The following ADAMTSL3 variants were observed in gnomAD, a reference collection of about 807,000 sequenced individuals.
The protein encoded by ADAMTSL3 is ADAMTS-like protein 3.
A neutral mutation model predicts 201.7 loss-of-function variants in ADAMTSL3; 128 were observed. The observed-to-expected ratio is 0.63, with a 90% CI of 0.55 to 0.73. The LOEUF (loss-of-function observed/expected upper bound fraction) is 0.73. Among genes scored for constraint, ADAMTSL3 ranks in the 30% least tolerant of loss-of-function variants. The pLI is 0.00. For synonymous variants in ADAMTSL3, 738 were observed against 748.4 expected (o/e 0.99, Z 0.23); for missense variants, 1,990 against 2,119.6 (o/e 0.94, Z 1.20).
intron 6 of ADAMTSL3, among the ~76,000 whole-genome samples, chr15:83,827,583 A>G (rs1029732971): frequency 1.5e-4 from 23 of 152,222 alleles, no homozygotes; most frequent in Admixed American, 7.2e-4. Context: ...TGAAGTCCTT[A>G]CCCATGCCTA....
chr15:83,664,430 A>C (rs1176030545), intron 2 of ADAMTSL3, among the ~76,000 whole-genome samples: 1 of 152,114 alleles, frequency 6.6e-6, no homozygotes, highest in African/African-American at 2.4e-5. Context: ...AATGCTTCTC[A>C]AACCAAAGTC....
rs527286657 is a variant in ADAMTSL3, at chr15:83,716,464, G to T, written c.189+11956G>T. 2.2e-4 allele frequency among the ~76,000 whole-genome samples: 32 copies of T among 148,532 alleles called. No homozygotes were observed. In the Middle Eastern group the frequency reaches 0.014, roughly 64 times the overall value. ...GGGAGGCGGAGGTTTGCAGTGAGCC[G>T]AGAGCGTGCCATTGCATTCCAGCCT... is the stretch of plus-strand genomic sequence containing the variant. On this transcript the variant is annotated intron_variant, in intron 3 of 29. Coordinates refer to ENST00000286744, the MANE Select transcript of ADAMTSL3 (RefSeq NM_207517.3).
chr15:83,946,879 G>A (rs1046999992), intron 19 of ADAMTSL3, among the ~76,000 whole-genome samples: 1 of 152,168 alleles, frequency 6.6e-6, no homozygotes, highest in African/African-American at 2.4e-5. Flanking sequence ...AAGACACTCT[G>A]GCTTCCAGTC....
In ADAMTSL3 at chr15:83,946,866, A is replaced by G. The variant is rs576266519; in HGVS notation, c.2490+3784A>G. ...GCTCCAAGAGGTCAGCCCAAACTCA[A>G]ACAAGACACTCTGGCTTCCAGTCAT... is the stretch of plus-strand genomic sequence containing the variant. On this transcript the variant is annotated intron_variant, in intron 19 of 29. Coordinates refer to ENST00000286744, the MANE Select transcript of ADAMTSL3 (RefSeq NM_207517.3). Among the ~76,000 whole-genome samples the G allele has an allele frequency of 3.3e-5, 5 of 152,310 alleles. No individual in the cohort carries two copies. In the East Asian group the frequency reaches 5.8e-4, roughly 18 times the overall value.
At chr15:83,890,457 A>G (rs1005690595) in intron 11 of ADAMTSL3, among the ~76,000 whole-genome samples, 1 of 152,176 alleles carries the variant, frequency 6.6e-6, no homozygotes, top group Non-Finnish European at 1.5e-5. Flanking sequence ...GTCGTGGGCT[A>G]TGTGTTCCTA....
chr15:83,913,322 C>G lies in ADAMTSL3; in HGVS notation c.1931C>G (p.Thr644Arg). The change falls in exon 16 of 30, where the codon ACG becomes AGG. Residue 644 changes from threonine (T) to arginine (R), a missense_variant. By Grantham distance (71) the Thr-to-Arg change is moderately conservative. Coordinates refer to ENST00000286744, the MANE Select transcript of ADAMTSL3 (RefSeq NM_207517.3). Reference protein sequence around the residue: ...LDIPLPEDSETTYDWEYAGFT... With the variant: ...LDIPLPEDSERTYDWEYAGFT... Reference sequence around the variant, plus strand: ...ATCCCTCTCCCTGAGGACAGTGAGACGACTTACGACTGGGAGTACGCTGGG... The same window carrying G: ...ATCCCTCTCCCTGAGGACAGTGAGAGGACTTACGACTGGGAGTACGCTGGG... 1.9e-6 allele frequency: 3 copies of G among 1,613,784 alleles called. No individual in the cohort carries two copies. Among genetic ancestry groups the G allele is most frequent in the Non-Finnish European group, 1.7e-6 (2 of 1,180,006 alleles).
chr15:83,820,541 T>G (rs2063846511), intron 6 of ADAMTSL3, among the ~76,000 whole-genome samples: 1 of 152,216 alleles, frequency 6.6e-6, no homozygotes. Context: ...ACTGAAGCTG[T>G]GGGTCTGGGG....
Position 83,838,129 on chromosome 15 carries a change from A to T in ADAMTSL3, c.641A>T (p.Glu214Val). 1 of 1,613,248 alleles carries T rather than the reference A, an allele frequency of 6.2e-7. No individual in the cohort carries two copies. The highest frequency in any genetic ancestry group is 2.2e-5 in the East Asian group (1 of 44,820). The change falls in exon 7 of 30, where the codon GAG becomes GTG. Residue 214 changes from glutamate to valine, a missense_variant. Transcript: ENST00000286744. ...CDRQLGSNAK[E>V]DNCGVCAGDG... ...CGGCAACTGGGAAGCAATGCCAAGG[A>T]GGACAACTGTGGAGTCTGTGCCGGC...
chr15:83,752,592 C>T (rs2062654385), intron 3 of ADAMTSL3, among the ~76,000 whole-genome samples: 1 of 152,124 alleles, frequency 6.6e-6, no homozygotes, highest in Non-Finnish European at 1.5e-5. Flanking sequence ...TTATATCTTT[C>T]TAATGTCTAT....
rs542084485 is a variant in ADAMTSL3 at position 83,713,327 on chromosome 15, C to G, written c.189+8819C>G. Among the ~76,000 whole-genome samples the G allele has an allele frequency of 6.6e-5, 10 of 152,276 alleles. No individual in the cohort carries two copies. The South Asian group carries it at 2.1e-3, about 32-fold the overall frequency. The stretch of plus-strand genomic sequence containing the variant: ...AACCCCCTTCTACTAAACATCTCTG[C>G]GACTGAATGTGTGTTTTTCTTAAAC... On this transcript the variant is annotated intron_variant, in intron 3 of 29. Coordinates refer to ENST00000286744, the MANE Select transcript of ADAMTSL3 (RefSeq NM_207517.3).
intron 4 of ADAMTSL3, among the ~76,000 whole-genome samples, chr15:83,797,106 C>A (rs554324065): frequency 6.6e-6 from 1 of 151,756 alleles, no homozygotes; most frequent in East Asian, 1.9e-4. Context: ...TAAAGAAAAG[C>A]CATAGAGTGG....
chr15:83,717,703 A>G (rs2062039049), intron 3 of ADAMTSL3, among the ~76,000 whole-genome samples: 1 of 152,230 alleles, frequency 6.6e-6, no homozygotes, highest in African/African-American at 2.4e-5. Flanking sequence ...AAAAAATAAA[A>G]TAATAAAAGC....
intron 3 of ADAMTSL3, among the ~76,000 whole-genome samples, chr15:83,706,932 G>A (rs1339916428): frequency 2.6e-5 from 4 of 152,232 alleles, no homozygotes; most frequent in East Asian, 1.9e-4. Context: ...GCCTCCCAAA[G>A]CGTTGGGATT....
intron 7 of ADAMTSL3, among the ~76,000 whole-genome samples, chr15:83,839,215 T>G (rs1222197486): frequency 6.6e-6 from 1 of 152,226 alleles, no homozygotes; most frequent in Admixed American, 6.5e-5. Flanking sequence ...TGAATTTAGT[T>G]TGATGTAACT....
chr15:83,852,696 T>C (rs1476870000), intron 7 of ADAMTSL3, among the ~76,000 whole-genome samples: 3 of 152,234 alleles, frequency 2.0e-5, no homozygotes, highest in Admixed American at 6.5e-5. Context: ...ACTCTGGATA[T>C]TAAGAAAACA....
chr15:83,963,079 G>A (rs539303222), intron 19 of ADAMTSL3, among the ~76,000 whole-genome samples: 50 of 152,296 alleles, frequency 3.3e-4, no homozygotes, highest in East Asian at 9.7e-4. Context: ...TTTCAAGCAC[G>A]AAACTGGACA....
intron 19 of ADAMTSL3, among the ~76,000 whole-genome samples, chr15:83,953,739 T>G (rs986467159): frequency 4.6e-5 from 7 of 152,192 alleles, no homozygotes; most frequent in Admixed American, 4.6e-4. Context: ...ATAAAATCCC[T>G]CAGCTTTTGT....
At chr15:83,693,367 G>T (rs749781073) in intron 2 of ADAMTSL3, among the ~76,000 whole-genome samples, 6 of 152,180 alleles carry the variant, frequency 3.9e-5, no homozygotes, top group African/African-American at 1.4e-4. Flanking sequence ...GAGGTGCTTG[G>T]GGAGCAGCCA....
intron 6 of ADAMTSL3, among the ~76,000 whole-genome samples, chr15:83,837,771 CA>C (rs1051619778): frequency 2.7e-5 from 4 of 149,840 alleles, no homozygotes; most frequent in African/African-American, 9.8e-5. Flanking sequence ...TATTGCACTC[CA>C]ACCTGGGCAA....
Sources: allele counts gnomAD v4.1 joint callset (sites outside exome capture counted in the v4.1 genomes callset), GRCh38; gene constraint gnomAD v4.1.1; transcripts MANE v1.5; gene names NCBI Gene and HGNC (gene_info 2026-07-23, HGNC 2026-07-21).